Variants in TRPM4 observed in about 807,000 individuals in gnomAD.
TRPM4 encodes the protein calcium-activated non-selective cation channel 1.
A neutral mutation model predicts 135.6 loss-of-function variants in TRPM4; 124 were observed. That is an observed-to-expected ratio of 0.91 (90% confidence interval 0.79 to 1.06). The LOEUF is 1.06. TRPM4 is among the 50% of genes least tolerant of loss of function. TRPM4 has a pLI of 0.00. For synonymous variants in TRPM4, 745 were observed against 705.6 expected (o/e 1.06, Z -0.88); for missense variants, 1,658 against 1,671.4 (o/e 0.99, Z 0.14).
At chr19:49,182,370 A>C (rs1028031381) in intron 10 of TRPM4, among the ~76,000 whole-genome samples, 2 of 146,406 alleles carry the variant, frequency 1.4e-5, no homozygotes, top group Non-Finnish European at 3.0e-5. Flanking sequence ...CCATCCATCC[A>C]TCCATCCATC....
chr19:49,165,057 G>T (rs937673708), intron 2 of TRPM4, among the ~76,000 whole-genome samples: 3 of 152,046 alleles, frequency 2.0e-5, no homozygotes, highest in African/African-American at 7.2e-5. Flanking sequence ...ATTTTCAAAT[G>T]AATTTCTCAT....
Position 49,196,681 on chromosome 19 carries a change from T to C in TRPM4, c.2452T>C (p.Tyr818His), listed in dbSNP as rs1968658394. ...APPGSLELLL[Y>H]FWAFTLLCEE... ...GCCCGGCTCCCTGGAGCTGCTGCTC[T>C]ATTTCTGGGCTTTCACGCTGCTGTG... The change falls in exon 17 of 25, where the codon TAT (tyrosine) becomes CAT (histidine). Residue 818 changes from tyrosine to histidine, a missense_variant. By Grantham distance (83) the Tyr-to-His change is moderately conservative. Transcript: ENST00000252826. 2 of 1,550,748 alleles carry C rather than the reference T, an allele frequency of 1.3e-6. No homozygotes were observed. The highest frequency in any genetic ancestry group is 1.7e-6 in the Non-Finnish European group (2 of 1,153,210).
chr19:49,181,043 T>C (rs1967901185), intron 9 of TRPM4, among the ~76,000 whole-genome samples: 1 of 152,036 alleles, frequency 6.6e-6, no homozygotes, highest in South Asian at 2.1e-4. Context: ...AGGAACTGTA[T>C]CTGATTTCTC....
intron 2 of TRPM4, among the ~76,000 whole-genome samples, chr19:49,165,626 A>G (rs1967140079): frequency 6.6e-6 from 1 of 152,110 alleles, no homozygotes; most frequent in African/African-American, 2.4e-5. Flanking sequence ...CCGCTCGCCC[A>G]AAGTCACACA....
intron 16 of TRPM4, among the ~76,000 whole-genome samples, chr19:49,192,269 A>G (rs1322767270): frequency 6.6e-6 from 1 of 152,070 alleles, no homozygotes; most frequent in Non-Finnish European, 1.5e-5. Context: ...CAGCCTCTCA[A>G]GTAGCTGGGA....
chr19:49,210,336 C>T lies in TRPM4; in HGVS notation c.3259C>T (p.Leu1087Phe), dbSNP rs753093413. Reference protein sequence around the residue: ...PPFIVISHLRLLLRQLCRRPR... With the variant: ...PPFIVISHLRFLLRQLCRRPR... ...CTTTATCGTCATCTCCCACTTGCGCCTCCTGCTCAGGCAATTGTGCAGGCG... is the reference window on the plus strand; with the variant it reads ...CTTTATCGTCATCTCCCACTTGCGCTTCCTGCTCAGGCAATTGTGCAGGCG... The change falls in exon 21 of 25, where the codon CTC becomes TTC. Residue 1087 changes from leucine (L) to phenylalanine (F), a missense_variant. Transcript: ENST00000252826. The surrounding 1 kb of genome is among the most constrained non-coding windows in gnomAD (Gnocchi z 4.1). The T allele has an allele frequency of 1.2e-5, 19 of 1,614,112 alleles. No individual in the cohort carries two copies. The highest frequency in any genetic ancestry group is 1.5e-5 in the Non-Finnish European group (18 of 1,180,044).
At chr19:49,160,867 G>T (rs1966934635) in intron 2 of TRPM4, among the ~76,000 whole-genome samples, 1 of 152,062 alleles carries the variant, frequency 6.6e-6, no homozygotes, top group South Asian at 2.1e-4. Flanking sequence ...GAGGGCATGG[G>T]GCAAAGACTC....
In TRPM4 at chr19:49,183,155, G is replaced by A; in HGVS notation, c.1686G>A (p.Leu562=). 1 of 1,614,120 alleles carries A rather than the reference G, an allele frequency of 6.2e-7. No homozygotes were observed. Among genetic ancestry groups the A allele is most frequent in the Non-Finnish European group, 8.5e-7 (1 of 1,180,032 alleles). ...AGLGQAPWSD[L]LLWALLLNRA... is the part of the protein sequence containing the mutation. ...TCGGGCAGGCCCCCTGGAGCGACCTGCTTCTTTGGGCACTGTTGCTGAACA... is the reference window on the plus strand; with the variant it reads ...TCGGGCAGGCCCCCTGGAGCGACCTACTTCTTTGGGCACTGTTGCTGAACA... The change falls in exon 12 of 25, where the codon CTG becomes CTA. Residue 562 remains leucine, a synonymous_variant. Coordinates refer to ENST00000252826, the MANE Select transcript of TRPM4 (RefSeq NM_017636.4).
chr19:49,200,643 C>T lies in TRPM4; in HGVS notation c.2811C>T (p.Leu937=), dbSNP rs769620861. Residue 937 remains leucine (L), a synonymous_variant, in exon 19 of 25, where the codon CTC becomes CTT. Coordinates refer to ENST00000252826, the MANE Select transcript of TRPM4 (RefSeq NM_017636.4). The stretch of plus-strand genomic sequence containing the variant: ...ACGTGTTCTTCTTCCTCTTCTTCCT[C>T]GGCGTGTGGCTGGTAGCCTATGGCG... ...MKDVFFFLFF[L]GVWLVAYGVA... is the part of the protein sequence containing the mutation. 22 of 1,613,822 alleles carry T rather than the reference C, an allele frequency of 1.4e-5. No homozygotes were observed. Among genetic ancestry groups the T allele is most frequent in the Admixed American group, 1.2e-4 (7 of 59,998 alleles).
intron 9 of TRPM4, among the ~76,000 whole-genome samples, chr19:49,174,000 G>C (rs1405962883): frequency 6.6e-6 from 1 of 151,530 alleles, no homozygotes; most frequent in Admixed American, 6.6e-5. Context: ...ACAATCCTAG[G>C]CTCCAGAGAC....
rs889730285 is a variant in TRPM4 at position 49,211,618 on chromosome 19, A to G, written c.*120A>G. On this transcript the variant is annotated 3_prime_UTR_variant, in exon 25 of 25. Coordinates refer to ENST00000252826, the MANE Select transcript of TRPM4 (RefSeq NM_017636.4). This position sits in a 1 kb window ranked among gnomAD's most constrained non-coding sequence, Gnocchi z 4.8. ...TGTCCTTGAGGTGAGCCCCATGTCC[A>G]TCTGGGCCACTGTCAGGACCACCTT... The G allele has an allele frequency of 1.5e-6, 2 of 1,318,810 alleles. No homozygotes were observed. The highest frequency in any genetic ancestry group is 2.9e-5 in the African/African-American group (2 of 69,066). The allele number at this position is 1,318,810 out of a possible 1,614,324, so 81.7% of individuals were successfully genotyped here.
Position 49,165,985 on chromosome 19 carries a change from A to G in TRPM4, c.93-56A>G. The G allele has an allele frequency of 2.6e-6, 4 of 1,523,884 alleles. No individual in the cohort carries two copies. The South Asian group carries it at 4.8e-5, about 18-fold the overall frequency. 94.4% of individuals were successfully genotyped at this position (1,523,884 alleles called of 1,614,324 possible). A position where few individuals can be genotyped will look rare whatever the true frequency, so the allele number is the denominator to read the frequency against. Reference sequence around the variant, plus strand: ...TCTACAGGAGCATGAACACGCTGACAGGGTGCTGGGGTCGGGGGGCAGCCC... The same window carrying G: ...TCTACAGGAGCATGAACACGCTGACGGGGTGCTGGGGTCGGGGGGCAGCCC... On this transcript the variant is annotated intron_variant, in intron 2 of 24. Coordinates refer to ENST00000252826, the MANE Select transcript of TRPM4 (RefSeq NM_017636.4).
At chr19:49,179,114 G>A (rs1295197557) in intron 9 of TRPM4, among the ~76,000 whole-genome samples, 3 of 151,788 alleles carry the variant, frequency 2.0e-5, no homozygotes, top group African/African-American at 7.3e-5. Context: ...GGAGTGCAAT[G>A]GCGTGATCTT....
chr19:49,189,326 C>T (rs1357894081), intron 14 of TRPM4, among the ~76,000 whole-genome samples: 1 of 152,218 alleles, frequency 6.6e-6, no homozygotes, highest in Admixed American at 6.5e-5. Flanking sequence ...AAAAGTTCCA[C>T]TCCAGATAGA....
At chr19:49,189,287 A>G (rs773105188) in intron 14 of TRPM4, among the ~76,000 whole-genome samples, 196 bp downstream of exon 14, 1 of 152,166 alleles carries the variant, frequency 6.6e-6, no homozygotes, top group East Asian at 1.9e-4. Flanking sequence ...CCAAAAGCCA[A>G]CCTTCCCACG....
intron 12 of TRPM4, among the ~76,000 whole-genome samples, chr19:49,184,730 C>T (rs1041137241): frequency 7.9e-5 from 12 of 151,378 alleles, no homozygotes; most frequent in Admixed American, 2.0e-4. Context: ...CTGCCCTCCT[C>T]GGCCTCCCAA....
chr19:49,191,395 G>A (rs1202354491), intron 16 of TRPM4, among the ~76,000 whole-genome samples: 5 of 151,782 alleles, frequency 3.3e-5, no homozygotes, highest in Admixed American at 2.6e-4. Context: ...AAGTAGAGTC[G>A]GGATTTCACC....
At chr19:49,160,797 A>G (rs1434209036) in intron 2 of TRPM4, among the ~76,000 whole-genome samples, 1 of 151,706 alleles carries the variant, frequency 6.6e-6, no homozygotes, top group Non-Finnish European at 1.5e-5. Context: ...GGCTGTAGAG[A>G]GCGTCTGAGC....
chr19:49,195,434 G>A (rs189526949), intron 16 of TRPM4, among the ~76,000 whole-genome samples: 370 of 152,036 alleles, frequency 2.4e-3, no homozygotes, highest in African/African-American at 8.0e-3. Flanking sequence ...TCAATGGCGC[G>A]ACCTCAGTTC....
Sources: allele counts gnomAD v4.1 joint callset (sites outside exome capture counted in the v4.1 genomes callset), GRCh38; gene constraint gnomAD v4.1.1; non-coding constraint Gnocchi (gnomAD v3.1); transcripts MANE v1.5; gene names NCBI Gene and HGNC (gene_info 2026-07-23, HGNC 2026-07-21).